KANSL1: variants seen among roughly 807,000 people sequenced by gnomAD.
KANSL1 encodes the protein MLL1/MLL complex subunit KANSL1.
Under a neutral mutation model 103.6 loss-of-function variants are expected in KANSL1, and 22 were observed. The ratio of observed to expected loss-of-function variants is 0.21; its 90% CI spans 0.15 to 0.30. KANSL1 has a LOEUF of 0.30. KANSL1 is among the 10% of genes least tolerant of loss of function. The pLI is 1.00. For missense variants in KANSL1, 1,337 were observed against 1,399.8 expected (o/e 0.96, Z 0.72); for synonymous variants, 600 against 527.6 (o/e 1.14, Z -1.88).
At chr17:46,189,632 C>T (rs976281817) in intron 1 of KANSL1, among the ~76,000 whole-genome samples, 14 of 152,246 alleles carry the variant, frequency 9.2e-5, no homozygotes, top group Non-Finnish European at 1.5e-4. Context: ...CCTGTAATTC[C>T]GGCACTTCTG....
At position 46,149,004 on chromosome 17, in the gene KANSL1, C is replaced by CT. The variant is rs77731269; in HGVS notation, c.1289+21850dup. Among the ~76,000 whole-genome samples, 446 of 121,204 alleles carry CT rather than the reference C, an allele frequency of 3.7e-3. 6 individuals are homozygous for CT. The highest frequency in any genetic ancestry group is 9.7e-3 in the African/African-American group (284 of 29,308). 79.5% of individuals were successfully genotyped at this position (121,204 alleles called of 152,430 possible). On this transcript the variant is annotated intron_variant, in intron 2 of 14. Transcript: ENST00000432791. ...CTCACCCATTCTTGCCTCTTTTTTT[C>CT]TTTTTTTTTTTTTTTTGAGACGGAG...
intron 2 of KANSL1, among the ~76,000 whole-genome samples, chr17:46,098,506 CGCAAGAACTTTGATAAATACACT>C: frequency 6.6e-6 from 1 of 152,170 alleles, no homozygotes; most frequent in Admixed American, 6.5e-5. Flanking sequence ...CATTTTAGTT[CGCAAGAACTTTGATAAATACACT>C]TTTTCTTGGA....
intron 4 of KANSL1, 85 bp downstream of exon 4, chr17:46,082,356 G>T: frequency 1.3e-6 from 1 of 786,076 alleles, no homozygotes; most frequent in Non-Finnish European, 2.1e-6. Flanking sequence ...CCAATGCAAG[G>T]ATCCTAGTTA....
At chr17:46,137,699 TA>T (rs199737620) in intron 2 of KANSL1, among the ~76,000 whole-genome samples, 3 of 150,308 alleles carry the variant, frequency 2.0e-5, no homozygotes, top group Admixed American at 6.6e-5. Flanking sequence ...CCGTCTCTAC[TA>T]AAAAAAAATA....
At chr17:46,120,447 C>T (rs545079034) in intron 2 of KANSL1, among the ~76,000 whole-genome samples, 1 of 152,208 alleles carries the variant, frequency 6.6e-6, no homozygotes, top group South Asian at 2.1e-4. Context: ...CTGTGCATTT[C>T]CATGAAAGAA....
intron 4 of KANSL1, among the ~76,000 whole-genome samples, chr17:46,080,466 C>T (rs2078948383): frequency 6.6e-6 from 1 of 150,850 alleles, no homozygotes; most frequent in Admixed American, 6.6e-5. Flanking sequence ...TTAAGCAAAA[C>T]TGAGAAAAGT....
chr17:46,059,718 G>A (rs1230482852), intron 6 of KANSL1, among the ~76,000 whole-genome samples: 3 of 150,798 alleles, frequency 2.0e-5, no homozygotes, highest in African/African-American at 7.3e-5. Context: ...GAGAGAAACA[G>A]ACTGTTATCT....
chr17:46,128,679 G>A (rs545043892), intron 2 of KANSL1, among the ~76,000 whole-genome samples: 1 of 152,306 alleles, frequency 6.6e-6, no homozygotes, highest in African/African-American at 2.4e-5. Context: ...AAAATAGGCG[G>A]GAATATACTT....
In KANSL1 at chr17:46,170,286, T is replaced by C. The variant is rs2046217536; in HGVS notation, c.1289+569A>G. On this transcript the variant is annotated intron_variant, in intron 2 of 14. Coordinates refer to ENST00000432791, the MANE Select transcript of KANSL1 (RefSeq NM_015443.4). ...TTTTTTAATAGGAAGAGAGTCAGGT[T>C]GTGAAACTAGACTGTGCTTGGAGGC... is the stretch of plus-strand genomic sequence containing the variant. 3.3e-5 allele frequency: 5 copies of C among 152,654 alleles called. No individual in the cohort carries two copies. In the South Asian group the frequency reaches 6.2e-4, roughly 19 times the overall value. 9.5% of individuals were successfully genotyped at this position (152,654 alleles called of 1,614,324 possible). A position where few individuals can be genotyped will look rare whatever the true frequency, so the allele number is the denominator to read the frequency against.
intron 6 of KANSL1, among the ~76,000 whole-genome samples, chr17:46,060,879 C>T (rs1162877600): frequency 1.3e-5 from 2 of 152,122 alleles, no homozygotes; most frequent in Non-Finnish European, 2.9e-5. Flanking sequence ...GAGGACTACT[C>T]GGAATTCTAT....
intron 2 of KANSL1, among the ~76,000 whole-genome samples, chr17:46,142,605 G>A (rs1452029607): frequency 6.6e-6 from 1 of 152,228 alleles, no homozygotes; most frequent in African/African-American, 2.4e-5. Flanking sequence ...CAAGACTGCA[G>A]ACTGTATCAA....
chr17:46,182,165 G>C (rs1412081832), intron 1 of KANSL1, among the ~76,000 whole-genome samples: 1 of 152,164 alleles, frequency 6.6e-6, no homozygotes, highest in Non-Finnish European at 1.5e-5. Context: ...GACTGGACTA[G>C]AGAAGTCAAA....
chr17:46,159,349 T>C (rs2045610234), intron 2 of KANSL1, among the ~76,000 whole-genome samples: 1 of 152,266 alleles, frequency 6.6e-6, no homozygotes, highest in African/African-American at 2.4e-5. Flanking sequence ...TCCAGAATTC[T>C]TTCTACTCTC....
chr17:46,114,586 CAT>C (rs1342437787), intron 2 of KANSL1, among the ~76,000 whole-genome samples: 1 of 152,192 alleles, frequency 6.6e-6, no homozygotes, highest in African/African-American at 2.4e-5. Context: ...GTTAAGACCA[CAT>C]GTCAGTATTT....
At chr17:46,107,552 G>T (rs965505865) in intron 2 of KANSL1, among the ~76,000 whole-genome samples, 8 of 152,150 alleles carry the variant, frequency 5.3e-5, no homozygotes, top group Non-Finnish European at 1.2e-4. Flanking sequence ...TTGTAAGACT[G>T]CATATGCGAA....
intron 1 of KANSL1, among the ~76,000 whole-genome samples, chr17:46,188,649 C>T (rs1180005802): frequency 6.6e-6 from 1 of 152,082 alleles, no homozygotes; most frequent in Non-Finnish European, 1.5e-5. Context: ...AATACGCTTC[C>T]CAAGACATAG....
intron 2 of KANSL1, among the ~76,000 whole-genome samples, chr17:46,127,562 A>C (rs1334821345): frequency 6.6e-6 from 1 of 152,200 alleles, no homozygotes; most frequent in African/African-American, 2.4e-5. Context: ...GCTTTTCAGC[A>C]CAAGAGTCTG....
In KANSL1 at chr17:46,216,606, A is replaced by C. The variant is rs1694767694; in HGVS notation, c.-90+7065T>G. On this transcript the variant is annotated intron_variant, in intron 1 of 14. Coordinates refer to the KANSL1 transcript ENST00000572904. ...AGAGCAAGACTCCGTCTCAAAAAAAAAAAAAAAAAAGTTTCAAAGATAAAA... is the reference window on the plus strand; with the variant it reads ...AGAGCAAGACTCCGTCTCAAAAAAACAAAAAAAAAAGTTTCAAAGATAAAA... Among the ~76,000 whole-genome samples the C allele has an allele frequency of 2.6e-5, 4 of 152,234 alleles. No individual in the cohort carries two copies. The South Asian group carries it at 8.3e-4, about 32-fold the overall frequency.
At chr17:46,092,127 G>A (rs1037603353) in intron 3 of KANSL1, among the ~76,000 whole-genome samples, 4 of 152,178 alleles carry the variant, frequency 2.6e-5, no homozygotes, top group Admixed American at 6.5e-5. Flanking sequence ...GAGCCACTGC[G>A]CACGGCCCTC....
Sources: gnomAD v4.1 joint callset for allele counts (sites outside exome capture counted in the v4.1 genomes callset) on GRCh38, gnomAD v4.1.1 for gene constraint, MANE v1.5 for transcripts, NCBI Gene and HGNC (gene_info 2026-07-23, HGNC 2026-07-21) for gene names.